The following ABCA3 variants were observed in gnomAD, a reference collection of about 807,000 sequenced individuals.
ABCA3 encodes phospholipid-transporting ATPase ABCA3.
Under a neutral mutation model 172.8 loss-of-function variants are expected in ABCA3, and 88 were observed. The observed-to-expected ratio is 0.51, with a 90% CI of 0.43 to 0.61. The LOEUF (loss-of-function observed/expected upper bound fraction) is 0.61, where lower values mean the gene tolerates loss of function less well. Ranked by LOEUF, ABCA3 falls within the 20% of genes least tolerant of loss-of-function variation. The probability of loss-of-function intolerance (pLI) is 0.00; values close to 1 mark genes in which losing one functional copy is unlikely to be tolerated. For missense variants in ABCA3, 2,164 were observed against 2,301.0 expected (o/e 0.94, Z 1.22); for synonymous variants, 1,066 against 983.8 (o/e 1.08, Z -1.56).
intron 19 of ABCA3, among the ~76,000 whole-genome samples, chr16:2,290,145 G>A (rs1424199263): frequency 6.6e-6 from 1 of 152,156 alleles, no homozygotes; most frequent in Non-Finnish European, 1.5e-5. Flanking sequence ...GCTCCTGTGT[G>A]CAGGCTGCCG....
At position 2,290,001 on chromosome 16, in the gene ABCA3, A is replaced by ACACACC. The variant is rs770697754; in HGVS notation, c.2514-382_2514-381insGGTGTG. On this transcript the variant is annotated intron_variant, in intron 19 of 32. Coordinates refer to ENST00000301732, the MANE Select transcript of ABCA3 (RefSeq NM_001089.3). ...CACACACACACACACACACACACACACCCCTTCCTAGAGCTCCCCGCCGAT... is the reference window on the plus strand; with the variant it reads ...CACACACACACACACACACACACACACACACCCCCCTTCCTAGAGCTCCCCGCCGAT... Among the ~76,000 whole-genome samples the ACACACC allele has an allele frequency of 2.1e-4, 29 of 137,216 alleles. 1 individual carries two copies. The highest frequency in any genetic ancestry group is 1.4e-3 in the East Asian group (6 of 4,316). The allele number at this position is 137,216 out of a possible 152,430, so 90.0% of individuals were successfully genotyped here.
Position 2,285,120 on chromosome 16 carries a change from A to C in ABCA3, c.3484-122T>G, listed in dbSNP as rs968470237. Reference sequence around the variant, plus strand: ...CCTCCCGGTCAGCTGGCCCATGTCCATCAGCCCCACAGGCCACGTCTGGCC... The same window carrying C: ...CCTCCCGGTCAGCTGGCCCATGTCCCTCAGCCCCACAGGCCACGTCTGGCC... On this transcript the variant is annotated intron_variant, in intron 23 of 32. Coordinates refer to ENST00000301732, the MANE Select transcript of ABCA3 (RefSeq NM_001089.3). This position sits in a 1 kb window ranked among gnomAD's most constrained non-coding sequence, Gnocchi z 4.7. 8.6e-7 allele frequency: 1 copy of C among 1,158,160 alleles called. No homozygotes were observed. Among genetic ancestry groups the C allele is most frequent in the Middle Eastern group, 2.7e-4 (1 of 3,640 alleles). The allele number at this position is 1,158,160 out of a possible 1,614,324, so 71.7% of individuals were successfully genotyped here. A position where few individuals can be genotyped will look rare whatever the true frequency, so the allele number is the denominator to read the frequency against.
chr16:2,330,131 A>G (rs935148424), intron 1 of ABCA3, among the ~76,000 whole-genome samples: 5 of 151,828 alleles, frequency 3.3e-5, no homozygotes, highest in African/African-American at 1.2e-4. Context: ...CCCTGTCTCT[A>G]CTAAAAACAC....
At chr16:2,332,169 G>A (rs142815949) in intron 1 of ABCA3, 29 of 335,386 alleles carry the variant, frequency 8.6e-5, no homozygotes, top group African/African-American at 5.9e-4. Context: ...GTTAACAAGC[G>A]CTGTGGCTCT....
Position 2,284,154 on chromosome 16 carries a change from C to G in ABCA3, c.3862+125G>C. On this transcript the variant is annotated intron_variant, in intron 25 of 32. Coordinates refer to ENST00000301732, the MANE Select transcript of ABCA3 (RefSeq NM_001089.3). The surrounding 1 kb of genome is among the most constrained non-coding windows in gnomAD (Gnocchi z 5.9). ...CTGTGGGAGGTGGGGCAAGGCGGTACAGAGGAACGCACCAGCCCCAGGCCA... is the reference window on the plus strand; with the variant it reads ...CTGTGGGAGGTGGGGCAAGGCGGTAGAGAGGAACGCACCAGCCCCAGGCCA... 7.9e-7 allele frequency: 1 copy of G among 1,263,486 alleles called. No individual in the cohort carries two copies. The highest frequency in any genetic ancestry group is 1.1e-6 in the Non-Finnish European group (1 of 928,084). The allele number at this position is 1,263,486 out of a possible 1,614,324, so 78.3% of individuals were successfully genotyped here. A position where few individuals can be genotyped will look rare whatever the true frequency, so the allele number is the denominator to read the frequency against.
chr16:2,281,595 G>C lies in ABCA3; in HGVS notation c.4036-86C>G, dbSNP rs2141691302. On this transcript the variant is annotated intron_variant, in intron 26 of 32. Coordinates refer to ENST00000301732, the MANE Select transcript of ABCA3 (RefSeq NM_001089.3). The surrounding 1 kb of genome is among the most constrained non-coding windows in gnomAD (Gnocchi z 4.7). Reference sequence around the variant, plus strand: ...AAGGGAGGGGCGGGGGTGGATGTGGGAGGTCTGGTGGGACTAAGGCCTTCA... The same window carrying C: ...AAGGGAGGGGCGGGGGTGGATGTGGCAGGTCTGGTGGGACTAAGGCCTTCA... The C allele has an allele frequency of 2.1e-6, 3 of 1,429,730 alleles. No homozygotes were observed. The South Asian group carries it at 3.4e-5, about 16-fold the overall frequency. The allele number at this position is 1,429,730 out of a possible 1,614,324, so 88.6% of individuals were successfully genotyped here.
chr16:2,315,241 C>T (rs973998097), intron 10 of ABCA3, among the ~76,000 whole-genome samples: 1 of 150,822 alleles, frequency 6.6e-6, no homozygotes, highest in Non-Finnish European at 1.5e-5. Flanking sequence ...CACACACACA[C>T]ACAGCAAAGT....
chr16:2,316,074 T>C (rs1176376264), intron 10 of ABCA3, among the ~76,000 whole-genome samples: 2 of 141,298 alleles, frequency 1.4e-5, no homozygotes, highest in Non-Finnish European at 3.0e-5. Flanking sequence ...CCCAATGCTT[T>C]GGGAGGCTGA....
chr16:2,311,256 G>C (rs1025484507), intron 10 of ABCA3, among the ~76,000 whole-genome samples: 9 of 152,144 alleles, frequency 5.9e-5, no homozygotes, highest in Admixed American at 5.9e-4. Flanking sequence ...ACAGGCGTGA[G>C]CCACCGCGCC....
chr16:2,321,873 C>A (rs1410169604), intron 7 of ABCA3, among the ~76,000 whole-genome samples: 1 of 152,122 alleles, frequency 6.6e-6, no homozygotes, highest in Non-Finnish European at 1.5e-5. Context: ...AAAATGTAAA[C>A]CAAGCCCCAT....
intron 7 of ABCA3, 70 bp from the exon 8 acceptor site, chr16:2,319,910 A>T: frequency 6.3e-7 from 1 of 1,592,322 alleles, no homozygotes; most frequent in Non-Finnish European, 8.6e-7. Context: ...GGCCACGTGC[A>T]TGGGGTCCAT....
In ABCA3 at chr16:2,324,518, G is replaced by C; in HGVS notation, c.333C>G (p.Pro111=). Residue 111 remains proline, a synonymous_variant, in exon 6 of 33, where the codon CCC becomes CCG. Coordinates refer to ENST00000301732, the MANE Select transcript of ABCA3 (RefSeq NM_001089.3). ...TGTAGTCCTCAAAGTCCTTCTCGGA[G>C]GGAAAGCCGCGCACTGCAAAGAGAG... is the stretch of plus-strand genomic sequence containing the variant. The part of the protein sequence containing the change: ...LVINMRVRGF[P]SEKDFEDYIR... The C allele has an allele frequency of 6.2e-7, 1 of 1,610,262 alleles. No individual in the cohort carries two copies. Among genetic ancestry groups the C allele is most frequent in the Non-Finnish European group, 8.5e-7 (1 of 1,179,978 alleles).
At chr16:2,312,712 A>C (rs924387190) in intron 10 of ABCA3, among the ~76,000 whole-genome samples, 4 of 152,064 alleles carry the variant, frequency 2.6e-5, no homozygotes, top group South Asian at 2.1e-4. Context: ...TTGTATTTTT[A>C]GTAGAGACGG....
At position 2,284,337 on chromosome 16, in the gene ABCA3, G is replaced by A. The variant is rs1370525891; in HGVS notation, c.3804C>T (p.Tyr1268=). The A allele has an allele frequency of 4.3e-6, 7 of 1,613,770 alleles. No homozygotes were observed. The highest frequency in any genetic ancestry group is 1.7e-5 in the Admixed American group (1 of 60,012). ...AGGAGGTGCAGTACCTCCGCGTCTCGTAGTTCTCGTAGAAACTGCTGACTG... is the reference window on the plus strand; with the variant it reads ...AGGAGGTGCAGTACCTCCGCGTCTCATAGTTCTCGTAGAAACTGCTGACTG... ...GMAVSSFYEN[Y]ETRRYCTSSE... The change falls in exon 25 of 33, where the codon TAC becomes TAT. Residue 1268 remains tyrosine, a synonymous_variant. Transcript: ENST00000301732. The surrounding 1 kb of genome is among the most constrained non-coding windows in gnomAD (Gnocchi z 5.9).
At position 2,308,608 on chromosome 16, in the gene ABCA3, G is replaced by C. The variant is rs1463365045; in HGVS notation, c.1127C>G (p.Ala376Gly). Residue 376 changes from alanine to glycine, a missense_variant, in exon 11 of 33, where the codon GCC becomes GGC. Physicochemically the swap from Ala to Gly is moderately conservative, Grantham distance 60 (BLOSUM62 0). Transcript: ENST00000301732. ...GAAGAAGTAGAGGAAGCCTCCGAAG[G>C]CTGCTGCCATGTTGGCTGCAGGTGT... ...TFFSKANMAA[A>G]FGGFLYFFTY... is the part of the protein sequence containing the mutation. 1 of 1,613,964 alleles carries C rather than the reference G, an allele frequency of 6.2e-7. No individual in the cohort carries two copies. The highest frequency in any genetic ancestry group is 1.1e-5 in the South Asian group (1 of 91,090).
At chr16:2,307,122 C>A (rs1323589951) in intron 11 of ABCA3, among the ~76,000 whole-genome samples, 1 of 150,330 alleles carries the variant, frequency 6.7e-6, no homozygotes, top group African/African-American at 2.5e-5. Flanking sequence ...TCTCAAAAAA[C>A]AAAAAAGAAA....
chr16:2,329,596 A>G (rs2093739868), intron 2 of ABCA3, 52 bp downstream of exon 2: 1 of 152,446 alleles, frequency 6.6e-6, no homozygotes, highest in South Asian at 2.1e-4. Flanking sequence ...GGTCAGAAAG[A>G]TAGACCACCC....
rs1293736885 is a variant in ABCA3 at position 2,308,452 on chromosome 16, T to C, written c.1283A>G (p.Lys428Arg). 6.2e-7 allele frequency: 1 copy of C among 1,614,176 alleles called. No individual in the cohort carries two copies. Among genetic ancestry groups the C allele is most frequent in the Admixed American group, 1.7e-5 (1 of 60,020 alleles). The part of the protein sequence containing the change: ...GAQLIGKFEA[K>R]GMGIQWRDLL... ...GGCTGGACAAGGCAAACACTCACCT[T>C]TCGCCTCAAATTTCCCAATGAGCTG... Residue 428 changes from lysine to arginine, a missense_variant and splice_region_variant, in exon 11 of 33, where the codon AAA becomes AGA. Coordinates refer to ENST00000301732, the MANE Select transcript of ABCA3 (RefSeq NM_001089.3).
rs149050042 is a variant in ABCA3, at chr16:2,326,036, C to T, written c.293G>A (p.Arg98His). 1.4e-5 allele frequency: 23 copies of T among 1,613,958 alleles called. No individual in the cohort carries two copies. Among genetic ancestry groups the T allele is most frequent in the Admixed American group, 1.3e-4 (8 of 60,016 alleles). The change falls in exon 5 of 33, where the codon CGC (arginine) becomes CAC (histidine). Residue 98 changes from arginine to histidine, a missense_variant. Arg to His is a conservative substitution (Grantham distance 29, BLOSUM62 0). Coordinates refer to ENST00000301732, the MANE Select transcript of ABCA3 (RefSeq NM_001089.3). ...TCGCATGTTGATCACAAGTGCCCTG[C>T]GCACTGTCTCAGTGACGGTCTTGGC... Reference protein sequence around the residue: ...DAAKTVTETVRRALVINMRVR... With the variant: ...DAAKTVTETVHRALVINMRVR...
Sources: gnomAD v4.1 joint callset for allele counts (sites outside exome capture counted in the v4.1 genomes callset) on GRCh38, gnomAD v4.1.1 for gene constraint, Gnocchi (gnomAD v3.1) non-coding constraint, MANE v1.5 for transcripts, NCBI Gene and HGNC (gene_info 2026-07-23, HGNC 2026-07-21) for gene names.